Variants in BTNL3 observed in about 807,000 individuals in gnomAD.
BTNL3 encodes butyrophilin-like protein 3.
Under a neutral mutation model 40.1 loss-of-function variants are expected in BTNL3, and 20 were observed. The observed-to-expected ratio is 0.50, with a 90% CI of 0.35 to 0.72. The LOEUF is 0.72. Among genes scored for constraint, BTNL3 ranks in the 30% least tolerant of loss-of-function variants. BTNL3 has a pLI of 0.01. For synonymous variants in BTNL3, 179 were observed against 222.1 expected, an observed-to-expected ratio of 0.81 and a Z score of 1.73; for missense variants, 449 against 582.2, an observed-to-expected ratio of 0.77 and a Z score of 2.35.
At chr5:181,004,803 A>C in intron 7 of BTNL3, 41 bp downstream of exon 7, 1 of 1,614,104 alleles carries the variant, frequency 6.2e-7, no homozygotes, top group Non-Finnish European at 8.5e-7. Context: ...ATGGAGTAGG[A>C]AGATGACCAG....
At chr5:181,005,202 A>C (rs1435384523) in intron 7 of BTNL3, 132 bp from the exon 8 acceptor site, 7 of 1,487,910 alleles carry the variant, frequency 4.7e-6, no homozygotes, top group Non-Finnish European at 6.4e-6. Flanking sequence ...GAGAAGGTAC[A>C]TGGCTGGTGG....
chr5:180,989,770 T>A (rs970567640), intron 1 of BTNL3, among the ~76,000 whole-genome samples: 1 of 136,782 alleles, frequency 7.3e-6, no homozygotes, highest in Non-Finnish European at 1.7e-5. Flanking sequence ...TTTGACTGTG[T>A]TCACTTTCTG....
chr5:181,001,502 G>GGGT lies in BTNL3; in HGVS notation c.674-1168_674-1167insTGG, dbSNP rs1554149544. Among the ~76,000 whole-genome samples, 30 of 127,852 alleles carry GGGT rather than the reference G, an allele frequency of 2.3e-4. 1 individual carries two copies. Among genetic ancestry groups the GGGT allele is most frequent in the African/African-American group, 7.8e-4 (29 of 37,250 alleles). The allele number at this position is 127,852 out of a possible 152,430, so 83.9% of individuals were successfully genotyped here. On this transcript the variant is annotated intron_variant, in intron 3 of 7. Transcript: ENST00000342868. ...TTAATTTTAAATATTTTTATAGATG[G>GGGT]GGGGGGGTCTCACTTTGTTGCCTAG... is the stretch of plus-strand genomic sequence containing the variant.
At position 181,006,027 on chromosome 5, in the gene BTNL3, C is replaced by T; in HGVS notation, c.*155C>T. The T allele has an allele frequency of 1.2e-6, 1 of 833,874 alleles. No individual in the cohort carries two copies. Among genetic ancestry groups the T allele is most frequent in the Non-Finnish European group, 1.8e-6 (1 of 560,016 alleles). The allele number at this position is 833,874 out of a possible 1,614,324, so 51.7% of individuals were successfully genotyped here. A position where few individuals can be genotyped will look rare whatever the true frequency, so the allele number is the denominator to read the frequency against. ...CTTTAGGGAGCTGAGGTTCTTCTGC[C>T]CTGAGCCCTGCAGCAGCGGCAGTCA... On this transcript the variant is annotated 3_prime_UTR_variant, in exon 8 of 8. Coordinates refer to ENST00000342868, the MANE Select transcript of BTNL3 (RefSeq NM_197975.3).
In BTNL3 at chr5:180,990,894, T is replaced by C. The variant is rs182160463; in HGVS notation, c.49+1817T>C. The stretch of plus-strand genomic sequence containing the variant: ...CCCACTGGGTCCTTTGGAGGAACTG[T>C]ATAGACGATGGCTCAGGATCTTCCC... On this transcript the variant is annotated intron_variant, in intron 1 of 7. Transcript: ENST00000342868. Among the ~76,000 whole-genome samples, 79 of 137,302 alleles carry C rather than the reference T, an allele frequency of 5.8e-4. 20 individuals are homozygous for C. Among genetic ancestry groups the C allele is most frequent in the Non-Finnish European group, 1.1e-3 (66 of 59,788 alleles). The allele number at this position is 137,302 out of a possible 152,430, so 90.1% of individuals were successfully genotyped here.
intron 1 of BTNL3, among the ~76,000 whole-genome samples, chr5:180,991,419 A>G (rs1759970047): frequency 7.3e-6 from 1 of 137,188 alleles, no homozygotes; most frequent in African/African-American, 2.5e-5. Flanking sequence ...GAATGAATCA[A>G]GAGACACTGC....
rs764610403 is a variant in BTNL3, at chr5:180,997,459, A to G, written c.644A>G (p.His215Arg). The G allele has an allele frequency of 1.0e-5, 15 of 1,463,656 alleles. 3 individuals carry two copies. Among genetic ancestry groups the G allele is most frequent in the Admixed American group, 5.6e-5 (3 of 53,302 alleles). The allele number at this position is 1,463,656 out of a possible 1,614,324, so 90.7% of individuals were successfully genotyped here. Residue 215 changes from histidine (H) to arginine (R), a missense_variant, in exon 3 of 8, where the codon CAT becomes CGT. His to Arg is a conservative substitution (Grantham distance 29, BLOSUM62 0). This residue lies in a region of BTNL3 where 323 missense variants were observed against 464.9 expected (regional missense o/e 0.69). Transcript: ENST00000342868. Reference protein sequence around the residue: ...LCSIHLAEQSHEVESKVLIGE... With the variant: ...LCSIHLAEQSREVESKVLIGE... ...TCCATCCACCTTGCTGAGCAGAGTCATGAGGTGGAATCCAAGGTATTGATA... is the reference window on the plus strand; with the variant it reads ...TCCATCCACCTTGCTGAGCAGAGTCGTGAGGTGGAATCCAAGGTATTGATA...
intron 2 of BTNL3, among the ~76,000 whole-genome samples, chr5:180,994,697 T>C (rs1004837668): frequency 2.9e-5 from 4 of 136,440 alleles, no homozygotes; most frequent in Non-Finnish European, 6.7e-5. Context: ...CATAGGTCCT[T>C]GAGGATCTGT....
chr5:180,996,128 A>G lies in BTNL3; in HGVS notation c.398-1085A>G, dbSNP rs543906149. On this transcript the variant is annotated intron_variant, in intron 2 of 7. Transcript: ENST00000342868. ...TTCTGTTTGGAGTGGTTAAAAGGCA[A>G]TATTAAATCATAAAATTGAAGTCAA... is the stretch of plus-strand genomic sequence containing the variant. Among the ~76,000 whole-genome samples the G allele has an allele frequency of 2.3e-4, 31 of 136,896 alleles. 4 individuals are homozygous for G. The highest frequency in any genetic ancestry group is 7.5e-4 in the African/African-American group (30 of 39,860). 89.8% of individuals were successfully genotyped at this position (136,896 alleles called of 152,430 possible). A position where few individuals can be genotyped will look rare whatever the true frequency, so the allele number is the denominator to read the frequency against.
At chr5:180,997,635 C>A in intron 3 of BTNL3, 147 bp downstream of exon 3, 1 of 1,158,748 alleles carries the variant, frequency 8.6e-7, no homozygotes, top group Non-Finnish European at 1.2e-6. Context: ...GTATAAAAAA[C>A]AAAACCAAAC....
At chr5:180,992,227 AG>A (rs1376017261) in intron 1 of BTNL3, among the ~76,000 whole-genome samples, 1 of 97,178 alleles carries the variant, frequency 1.0e-5, no homozygotes, top group Non-Finnish European at 2.1e-5. Flanking sequence ...AGAATATGGC[AG>A]AAGTCTACTT....
intron 4 of BTNL3, 91 bp downstream of exon 4, chr5:181,002,876 C>T (rs1760148410): frequency 7.4e-7 from 1 of 1,353,984 alleles, no homozygotes. Flanking sequence ...CTGGGCTCTG[C>T]TCTTCCAGCC....
rs566757118 is a variant in BTNL3, at chr5:181,005,326, C to A, written c.863-8C>A. 1.2e-6 allele frequency: 2 copies of A among 1,609,554 alleles called. No individual in the cohort carries two copies. The highest frequency in any genetic ancestry group is 2.2e-5 in the South Asian group (2 of 90,926). ...CTCATGCTTCCTCTCTCCCCCACCG[C>A]ACCCCAGTGGAGGTGACTCTGGATC... On this transcript the variant is annotated splice_polypyrimidine_tract_variant and splice_region_variant and intron_variant, in intron 7 of 7. Coordinates refer to ENST00000342868, the MANE Select transcript of BTNL3 (RefSeq NM_197975.3).
Position 180,993,071 on chromosome 5 carries a change from A to G in BTNL3, c.308A>G (p.Asn103Ser). The G allele has an allele frequency of 6.9e-7, 1 of 1,454,834 alleles. No individual in the cohort carries two copies. Among genetic ancestry groups the G allele is most frequent in the African/African-American group, 1.4e-5 (1 of 72,388 alleles). 90.1% of individuals were successfully genotyped at this position (1,454,834 alleles called of 1,614,324 possible). The change falls in exon 2 of 8, where the codon AAC becomes AGC. Residue 103 changes from asparagine to serine, a missense_variant. Asn to Ser is a conservative substitution (Grantham distance 46). This residue lies in a region of BTNL3 where 323 missense variants were observed against 464.9 expected (regional missense o/e 0.69). Transcript: ENST00000342868. ...AGGRVSLRLKNITPSDIGLYG... is the reference protein window; with the variant it reads ...AGGRVSLRLKSITPSDIGLYG... ...GGGCGTGTCTCTCTAAGGCTAAAAA[A>G]CATCACTCCCTCGGACATCGGCCTG...
chr5:180,989,007 A>C lies in BTNL3; in HGVS notation c.-22A>C. On this transcript the variant is annotated 5_prime_UTR_variant, in exon 1 of 8. Coordinates refer to ENST00000342868, the MANE Select transcript of BTNL3 (RefSeq NM_197975.3). ...TGCTGTCATCTGTTTTCATAGTGTG[A>C]GATCAACCCACAGGAATATCCATGG... The C allele has an allele frequency of 6.9e-7, 1 of 1,443,716 alleles. No homozygotes were observed. The highest frequency in any genetic ancestry group is 1.2e-5 in the South Asian group (1 of 86,838). 89.4% of individuals were successfully genotyped at this position (1,443,716 alleles called of 1,614,324 possible). A position where few individuals can be genotyped will look rare whatever the true frequency, so the allele number is the denominator to read the frequency against.
rs755476688 is a variant in BTNL3 at position 181,005,377 on chromosome 5, C to T, written c.906C>T (p.Cys302=). The part of the protein sequence containing the change: ...LDPETAHPKL[C]VSDLKTVTHR... ...CAGAGACGGCTCACCCGAAGCTCTG[C>T]GTTTCTGATCTGAAAACTGTAACCC... Residue 302 remains cysteine (C), a synonymous_variant, in exon 8 of 8, where the codon TGC becomes TGT. Transcript: ENST00000342868. 1.8e-5 allele frequency: 29 copies of T among 1,613,108 alleles called. No individual in the cohort carries two copies. Among genetic ancestry groups the T allele is most frequent in the East Asian group, 4.5e-5 (2 of 44,860 alleles).
At chr5:180,994,782 ATT>A (rs200903601) in intron 2 of BTNL3, among the ~76,000 whole-genome samples, 2 of 120,560 alleles carry the variant, frequency 1.7e-5, no homozygotes, top group Non-Finnish European at 3.8e-5. Flanking sequence ...GAGTTCAATA[ATT>A]TTTTTTTTTT....
In BTNL3 at chr5:180,992,948, C is replaced by T; in HGVS notation, c.185C>T (p.Ala62Val). The T allele has an allele frequency of 6.2e-6, 9 of 1,463,034 alleles. 3 individuals are homozygous for T. Among genetic ancestry groups the T allele is most frequent in the Non-Finnish European group, 6.6e-6 (7 of 1,058,806 alleles). The allele number at this position is 1,463,034 out of a possible 1,614,324, so 90.6% of individuals were successfully genotyped here. The change falls in exon 2 of 8, where the codon GCT becomes GTT. Residue 62 changes from alanine to valine, a missense_variant. By Grantham distance (64) the Ala-to-Val change is moderately conservative (BLOSUM62 0). Transcript: ENST00000342868. ...EVRFFRNQFH[A>V]VVHLYRDGED... is the part of the protein sequence containing the mutation. ...CGGTTCTTCAGGAATCAGTTCCATG[C>T]TGTGGTCCACCTCTACAGAGATGGG...
At chr5:180,990,609 C>T (rs1006845305) in intron 1 of BTNL3, among the ~76,000 whole-genome samples, 8 of 137,388 alleles carry the variant, frequency 5.8e-5, no homozygotes, top group African/African-American at 2.0e-4. Flanking sequence ...CAAGGCTGGC[C>T]GGAGAAACAG....
Sources: gnomAD v4.1 joint callset for allele counts (sites outside exome capture counted in the v4.1 genomes callset) on GRCh38, gnomAD v4.1.1 for gene constraint, gnomAD v4.1.1 regional missense constraint, MANE v1.5 for transcripts, NCBI Gene and HGNC (gene_info 2026-07-23, HGNC 2026-07-21) for gene names.